Variants in TBPL2 observed in about 807,000 individuals in gnomAD.
TBPL2 encodes TATA-box binding protein like 2.
Under a neutral mutation model 38.2 loss-of-function variants are expected in TBPL2, and 40 were observed. The ratio of observed to expected loss-of-function variants is 1.05; its 90% confidence interval spans 0.81 to 1.36. The LOEUF (loss-of-function observed/expected upper bound fraction) is 1.36. Among genes scored for constraint, TBPL2 ranks in the 40% most tolerant of loss-of-function variants. The pLI is 0.00. For synonymous variants in TBPL2, 169 were observed against 171.7 expected (o/e 0.98, Z 0.12); for missense variants, 461 against 456.7 (o/e 1.01, Z -0.09).
intron 1 of TBPL2, among the ~76,000 whole-genome samples, chr14:55,437,886 G>T (rs1046356209): frequency 6.6e-6 from 1 of 152,154 alleles, no homozygotes; most frequent in Non-Finnish European, 1.5e-5. Flanking sequence ...TTTACACTAG[G>T]AAAAAAGTTA....
At chr14:55,439,993 G>A (rs1315051980) in intron 1 of TBPL2, among the ~76,000 whole-genome samples, 3 of 147,246 alleles carry the variant, frequency 2.0e-5, no homozygotes, top group Non-Finnish European at 3.0e-5. Context: ...CCAGCTACAC[G>A]GGAGGCTGAG....
intron 4 of TBPL2, among the ~76,000 whole-genome samples, chr14:55,430,075 C>A (rs1031776614): frequency 6.6e-6 from 1 of 152,144 alleles, no homozygotes; most frequent in Non-Finnish European, 1.5e-5. Context: ...CCCCTAAATT[C>A]ATAGCAGAGC....
In TBPL2 at chr14:55,424,277, G is replaced by T. The variant is rs117997536; in HGVS notation, c.957-24C>A. The T allele has an allele frequency of 4.5e-3, 6,808 of 1,497,690 alleles. 26 individuals are homozygous for T. The highest frequency in any genetic ancestry group is 0.01 in the Middle Eastern group (61 of 5,812). The allele number at this position is 1,497,690 out of a possible 1,614,324, so 92.8% of individuals were successfully genotyped here. On this transcript the variant is annotated intron_variant, in intron 5 of 6. Coordinates refer to ENST00000247219, the Ensembl canonical transcript of TBPL2. ...AACTGTTAAGATGTAAAAGGAAAATGTTAAAAATAGCACTATTCAGCTCCT... is the reference window on the plus strand; with the variant it reads ...AACTGTTAAGATGTAAAAGGAAAATTTTAAAAATAGCACTATTCAGCTCCT...
At chr14:55,437,072 T>TA in intron 1 of TBPL2, 54 bp from the exon 2 acceptor site, 1 of 1,490,690 alleles carries the variant, frequency 6.7e-7, no homozygotes, top group Non-Finnish European at 9.3e-7. Context: ...AACAGCATGT[T>TA]ACACAAAAGG....
exon 5 of TBPL2, chr14:55,428,834 A>G (rs1377074670): frequency 6.2e-7 from 1 of 1,614,228 alleles, no homozygotes; most frequent in Non-Finnish European, 8.5e-7. Context: ...GGTTAGCACC[A>G]AACCTTCCAG....
At chr14:55,436,423 A>G (rs1886013085) in intron 2 of TBPL2, 138 bp downstream of exon 2, 3 of 834,374 alleles carry the variant, frequency 3.6e-6, no homozygotes, top group African/African-American at 1.7e-5. Context: ...GCCACAATCC[A>G]TTTAGAACTG....
At chr14:55,426,336 G>A (rs904204194) in intron 5 of TBPL2, among the ~76,000 whole-genome samples, 59 of 152,144 alleles carry the variant, frequency 3.9e-4, no homozygotes, top group African/African-American at 1.2e-3. Context: ...AAATGATTAT[G>A]TCATAGAAAG....
intron 5 of TBPL2, among the ~76,000 whole-genome samples, chr14:55,428,108 A>T (rs748465543): frequency 8.5e-4 from 92 of 108,582 alleles, no homozygotes; most frequent in Non-Finnish European, 1.4e-3. Context: ...AGTCCATTTC[A>T]CATGCCTTAT....
intron 4 of TBPL2, among the ~76,000 whole-genome samples, chr14:55,432,024 A>G: frequency 6.6e-6 from 1 of 152,236 alleles, no homozygotes; most frequent in East Asian, 1.9e-4. Context: ...AATACTGTGC[A>G]CAAATGCCTT....
intron 4 of TBPL2, among the ~76,000 whole-genome samples, chr14:55,431,720 G>A (rs1885931323): frequency 6.6e-6 from 1 of 152,176 alleles, no homozygotes; most frequent in Non-Finnish European, 1.5e-5. Flanking sequence ...TTCAATAAAT[G>A]TATCTGAGTA....
chr14:55,416,447 T>A (rs895766394), intron 6 of TBPL2, among the ~76,000 whole-genome samples: 1 of 151,618 alleles, frequency 6.6e-6, no homozygotes. Context: ...AGGAAAAAAA[T>A]AAAAAGAGAA....
intron 6 of TBPL2, among the ~76,000 whole-genome samples, chr14:55,417,441 T>A (rs1885684919): frequency 7.7e-6 from 1 of 130,688 alleles, no homozygotes; most frequent in African/African-American, 3.0e-5. Context: ...TCCAATGAGA[T>A]GACCCTTGCC....
chr14:55,436,982 G>C (rs773400202), exon 2 of TBPL2: 1 of 1,614,172 alleles, frequency 6.2e-7, no homozygotes, highest in East Asian at 2.2e-5. Context: ...GGTACAACTG[G>C]GCTGAACAGG....
rs1372505644 is a variant in TBPL2, at chr14:55,428,992, T to C, written c.789-18A>G. 6.8e-6 allele frequency: 11 copies of C among 1,613,286 alleles called. No individual in the cohort carries two copies. Among genetic ancestry groups the C allele is most frequent in the Admixed American group, 3.3e-5 (2 of 59,954 alleles). The stretch of plus-strand genomic sequence containing the variant: ...GCTCTTCACTGGGGAGGGGCAAATA[T>C]GTTTAAAGATGTCTTAATCGCTACA... On this transcript the variant is annotated intron_variant, in intron 4 of 6. Coordinates refer to ENST00000247219, the Ensembl canonical transcript of TBPL2.
exon 5 of TBPL2, chr14:55,428,916 A>C: frequency 6.2e-7 from 1 of 1,614,114 alleles, no homozygotes; most frequent in South Asian, 1.1e-5. Context: ...CTGGCAGGGA[A>C]CCCAAGCTTC....
intron 6 of TBPL2, among the ~76,000 whole-genome samples, chr14:55,421,860 T>G (rs4901561): frequency 1.3e-5 from 2 of 152,110 alleles, no homozygotes; most frequent in Non-Finnish European, 2.9e-5. Flanking sequence ...ACATGTCATT[T>G]TGCTGGATGC....
intron 5 of TBPL2, among the ~76,000 whole-genome samples, chr14:55,424,995 A>C (rs1211185667): frequency 6.6e-6 from 1 of 152,214 alleles, no homozygotes; most frequent in African/African-American, 2.4e-5. Context: ...CTAATGGACA[A>C]GAAATATAAG....
chr14:55,418,684 A>G (rs562500307), intron 6 of TBPL2, among the ~76,000 whole-genome samples: 31 of 152,320 alleles, frequency 2.0e-4, no homozygotes, highest in Admixed American at 1.8e-3. Flanking sequence ...CTCAGCAACA[A>G]TGACACAACT....
At chr14:55,430,612 G>A (rs1594792860) in intron 4 of TBPL2, among the ~76,000 whole-genome samples, 1 of 151,952 alleles carries the variant, frequency 6.6e-6, no homozygotes, top group Non-Finnish European at 1.5e-5. Flanking sequence ...CCCAGGCTGG[G>A]CTCAAACTCC....
Sources: gnomAD v4.1 joint callset for allele counts (sites outside exome capture counted in the v4.1 genomes callset) on GRCh38, gnomAD v4.1.1 for gene constraint, MANE v1.5 for transcripts, NCBI Gene and HGNC (gene_info 2026-07-23, HGNC 2026-07-21) for gene names.